Variants in ATG5 observed in about 807,000 individuals in gnomAD.
ATG5 encodes autophagy protein 5.
A neutral mutation model predicts 36.5 loss-of-function variants in ATG5; 14 were observed. The observed-to-expected ratio is 0.38, with a 90% CI of 0.25 to 0.60. The LOEUF is 0.60. Ranked by LOEUF, ATG5 falls within the 20% of genes least tolerant of loss-of-function variation. ATG5 has a pLI of 0.60. For synonymous variants in ATG5, 95 were observed against 101.5 expected, an observed-to-expected ratio of 0.94 and a Z score of 0.38; for missense variants, 195 against 326.7, an observed-to-expected ratio of 0.60 and a Z score of 3.11.
chr6:106,292,242 G>T (rs1032459957), intron 4 of ATG5, among the ~76,000 whole-genome samples: 3 of 152,092 alleles, frequency 2.0e-5, no homozygotes, highest in African/African-American at 7.2e-5. Context: ...CCGACATGGT[G>T]GAATCATTGC....
At chr6:106,231,583 G>A (rs150942820) in intron 6 of ATG5, among the ~76,000 whole-genome samples, 3 of 127,628 alleles carry the variant, frequency 2.4e-5, no homozygotes, top group African/African-American at 8.8e-5. Context: ...ACAGGGAAAG[G>A]AAGAAAATCC....
chr6:106,279,619 T>A, intron 5 of ATG5, 42 bp downstream of exon 5: 1 of 1,381,006 alleles, frequency 7.2e-7, no homozygotes, highest in Non-Finnish European at 9.6e-7. Context: ...TGTATCATAT[T>A]TTATAAAGTG....
intron 5 of ATG5, among the ~76,000 whole-genome samples, chr6:106,273,574 G>A (rs1367436299): frequency 6.6e-6 from 1 of 152,006 alleles, no homozygotes; most frequent in African/African-American, 2.4e-5. Flanking sequence ...ACATCACCTA[G>A]GGGAAGGGAA....
intron 1 of ATG5, among the ~76,000 whole-genome samples, chr6:106,317,431 A>C (rs1175987170): frequency 6.6e-6 from 1 of 152,114 alleles, no homozygotes; most frequent in African/African-American, 2.4e-5. Flanking sequence ...CTGACCAATG[A>C]CATTAAGATG....
At chr6:106,201,431 C>T (rs147697442) in intron 7 of ATG5, among the ~76,000 whole-genome samples, 2 of 152,136 alleles carry the variant, frequency 1.3e-5, no homozygotes, top group African/African-American at 4.8e-5. Context: ...TTGTCCCTTG[C>T]TTGCAGGAAA....
rs995942231 is a variant in ATG5, at chr6:106,252,161, G to A, written c.479-3917C>T. On this transcript the variant is annotated intron_variant, in intron 5 of 7. Coordinates refer to ENST00000369076, the MANE Select transcript of ATG5 (RefSeq NM_004849.4). ...AGCCAAACAAAACAAAGACTAAGTA[G>A]GAGAAAATTAAAACTAGCAGTCACT... Among the ~76,000 whole-genome samples the A allele has an allele frequency of 2.0e-5, 3 of 152,094 alleles. No individual in the cohort carries two copies. In the East Asian group the frequency reaches 5.8e-4, roughly 29 times the overall value.
At chr6:106,224,473 G>C (rs1179003851) in intron 6 of ATG5, among the ~76,000 whole-genome samples, 1 of 151,894 alleles carries the variant, frequency 6.6e-6, no homozygotes, top group Non-Finnish European at 1.5e-5. Context: ...GAAAAGTAAA[G>C]AAAGAGGAAA....
At chr6:106,260,398 GA>G (rs1338971564) in intron 5 of ATG5, among the ~76,000 whole-genome samples, 1 of 152,156 alleles carries the variant, frequency 6.6e-6, no homozygotes, top group Non-Finnish European at 1.5e-5. Context: ...CTTCTAACGG[GA>G]AAGAGAGAAA....
At chr6:106,258,140 C>A (rs1395506599) in intron 5 of ATG5, among the ~76,000 whole-genome samples, 2 of 151,484 alleles carry the variant, frequency 1.3e-5, no homozygotes, top group East Asian at 3.9e-4. Context: ...CACCCACCCC[C>A]ACTCCCCATC....
intron 6 of ATG5, among the ~76,000 whole-genome samples, chr6:106,228,427 T>C (rs1020728234): frequency 2.6e-5 from 4 of 152,150 alleles, no homozygotes; most frequent in South Asian, 2.1e-4. Flanking sequence ...TTCATCCTAA[T>C]TGAGCTGAAC....
chr6:106,293,406 T>C (rs527280516), intron 3 of ATG5, among the ~76,000 whole-genome samples: 3 of 152,352 alleles, frequency 2.0e-5, no homozygotes, highest in South Asian at 2.1e-4. Flanking sequence ...TTGCATCTAA[T>C]TGTCATCCCT....
intron 6 of ATG5, among the ~76,000 whole-genome samples, chr6:106,232,206 G>A (rs1242318959): frequency 6.6e-6 from 1 of 152,098 alleles, no homozygotes; most frequent in South Asian, 2.1e-4. Context: ...CTGTCTCCTG[G>A]ACACTGGTGT....
At chr6:106,267,885 C>A (rs1044065550) in intron 5 of ATG5, among the ~76,000 whole-genome samples, 1 of 152,144 alleles carries the variant, frequency 6.6e-6, no homozygotes, top group Non-Finnish European at 1.5e-5. Context: ...ACCATAAAAA[C>A]CCTACAAGAA....
At chr6:106,188,033 AT>A (rs935178215) in intron 7 of ATG5, among the ~76,000 whole-genome samples, 2 of 152,120 alleles carry the variant, frequency 1.3e-5, no homozygotes, top group Non-Finnish European at 2.9e-5. Context: ...AAAATGCTTT[AT>A]TTTTTCTTTG....
intron 2 of ATG5, among the ~76,000 whole-genome samples, chr6:106,311,906 C>T (rs1364340133): frequency 6.6e-6 from 1 of 151,602 alleles, no homozygotes; most frequent in Non-Finnish European, 1.5e-5. Context: ...TCTCGGCTCA[C>T]TGCAACGTCT....
intron 6 of ATG5, among the ~76,000 whole-genome samples, chr6:106,247,079 T>C (rs1443374393): frequency 6.6e-6 from 1 of 152,222 alleles, no homozygotes; most frequent in Non-Finnish European, 1.5e-5. Flanking sequence ...TGCTTTCCTC[T>C]CTGAACACAT....
intron 5 of ATG5, among the ~76,000 whole-genome samples, chr6:106,266,844 A>C (rs553656280): frequency 6.6e-6 from 1 of 152,340 alleles, no homozygotes; most frequent in South Asian, 2.1e-4. Flanking sequence ...TATTGATGGA[A>C]CATATCTCAA....
At chr6:106,210,759 A>C (rs148882523) in intron 6 of ATG5, among the ~76,000 whole-genome samples, 2 of 152,350 alleles carry the variant, frequency 1.3e-5, no homozygotes, top group East Asian at 3.9e-4. Flanking sequence ...ATCATCTATA[A>C]AATGAGGATA....
Position 106,186,463 on chromosome 6 carries a change from C to G in ATG5, c.*77G>C. 1 of 1,552,900 alleles carries G rather than the reference C, an allele frequency of 6.4e-7. No homozygotes were observed. The highest frequency in any genetic ancestry group is 8.8e-7 in the Non-Finnish European group (1 of 1,134,714). ...TCTGGTCAGGTTGCCTCCACCAAACCTGATTGAAGCAAAAGGGTGACATGC... is the reference window on the plus strand; with the variant it reads ...TCTGGTCAGGTTGCCTCCACCAAACGTGATTGAAGCAAAAGGGTGACATGC... On this transcript the variant is annotated 3_prime_UTR_variant, in exon 8 of 8. Transcript: ENST00000369076.
Sources: allele counts gnomAD v4.1 joint callset (sites outside exome capture counted in the v4.1 genomes callset), GRCh38; gene constraint gnomAD v4.1.1; transcripts MANE v1.5; gene names NCBI Gene and HGNC (gene_info 2026-07-23, HGNC 2026-07-21).